The following RFX7 variants were observed in gnomAD, a reference collection of about 807,000 sequenced individuals.
RFX7 encodes the protein DNA-binding protein RFX7.
RFX7 carries 26 observed loss-of-function variants against 111.8 expected under a neutral mutation model. The observed-to-expected ratio is 0.23, with a 90% CI of 0.17 to 0.32. The LOEUF is 0.32. RFX7 is among the 10% of genes least tolerant of loss of function. The pLI is 1.00. For missense variants in RFX7, 1,573 were observed against 1,772.9 expected (o/e 0.89, Z 2.02); for synonymous variants, 624 against 624.4 (o/e 1.00, Z 0.01).
At chr15:56,224,212 G>T (rs572871975) in intron 2 of RFX7, among the ~76,000 whole-genome samples, 1 of 152,142 alleles carries the variant, frequency 6.6e-6, no homozygotes, top group South Asian at 2.1e-4. Context: ...GGAACCGTGT[G>T]TAAGAGAAAG....
chr15:56,234,654 C>G (rs562017456), intron 2 of RFX7, among the ~76,000 whole-genome samples: 11 of 152,262 alleles, frequency 7.2e-5, no homozygotes, highest in African/African-American at 2.4e-4. Context: ...CAAGATGTCA[C>G]TGAAGTGACA....
chr15:56,153,800 A>C (rs562190987), intron 3 of RFX7, among the ~76,000 whole-genome samples: 1 of 152,206 alleles, frequency 6.6e-6, no homozygotes, highest in Non-Finnish European at 1.5e-5. Context: ...CAGGGCAATC[A>C]GGAAAGACAA....
intron 5 of RFX7, among the ~76,000 whole-genome samples, chr15:56,121,603 G>A (rs1347921592): frequency 1.3e-5 from 2 of 152,004 alleles, no homozygotes; most frequent in Non-Finnish European, 2.9e-5. Context: ...TTCTCTCTTT[G>A]AATAAACTTT....
intron 2 of RFX7, among the ~76,000 whole-genome samples, chr15:56,184,334 CG>C (rs2043013698): frequency 6.6e-6 from 1 of 151,464 alleles, no homozygotes; most frequent in Non-Finnish European, 1.5e-5. Flanking sequence ...CCACTGCGCC[CG>C]GACAGTTCTA....
chr15:56,165,073 C>T (rs183859701), intron 3 of RFX7, among the ~76,000 whole-genome samples: 2 of 152,092 alleles, frequency 1.3e-5, no homozygotes, highest in South Asian at 2.1e-4. Context: ...TCATAAGGCA[C>T]GTATAACCTA....
chr15:56,159,576 GAAAT>G (rs1169250126), intron 3 of RFX7, among the ~76,000 whole-genome samples: 3 of 152,176 alleles, frequency 2.0e-5, no homozygotes, highest in Non-Finnish European at 4.4e-5. Context: ...TAGAGAGAAA[GAAAT>G]AATCAATCTA....
chr15:56,128,501 T>C (rs2042173530), intron 5 of RFX7, among the ~76,000 whole-genome samples: 1 of 152,166 alleles, frequency 6.6e-6, no homozygotes, highest in South Asian at 2.1e-4. Flanking sequence ...TCTCAATAGA[T>C]GCAGAAAAAA....
intron 5 of RFX7, among the ~76,000 whole-genome samples, chr15:56,115,406 CAG>C (rs1281248340): frequency 1.3e-5 from 2 of 152,206 alleles, no homozygotes; most frequent in African/African-American, 2.4e-5. Context: ...TCCATACAGA[CAG>C]AAAGATTTAT....
chr15:56,203,363 G>C (rs2043214308), intron 2 of RFX7, among the ~76,000 whole-genome samples: 1 of 152,014 alleles, frequency 6.6e-6, no homozygotes, highest in Non-Finnish European at 1.5e-5. Context: ...GGAATTGCTG[G>C]GTTAAATAAA....
At chr15:56,130,486 A>G (rs2042197809) in intron 5 of RFX7, among the ~76,000 whole-genome samples, 1 of 152,150 alleles carries the variant, frequency 6.6e-6, no homozygotes, top group Admixed American at 6.5e-5. Context: ...ATTCCACACT[A>G]TTGGAAAATA....
chr15:56,171,808 T>C (rs577489543), intron 3 of RFX7, among the ~76,000 whole-genome samples: 2 of 152,164 alleles, frequency 1.3e-5, no homozygotes, highest in Admixed American at 1.3e-4. Context: ...GAAGTACTTA[T>C]GTGACATCCA....
At chr15:56,112,425 A>C (rs1225576631) in intron 5 of RFX7, among the ~76,000 whole-genome samples, 1 of 150,932 alleles carries the variant, frequency 6.6e-6, no homozygotes, top group Non-Finnish European at 1.5e-5. Context: ...TATTTAAGAA[A>C]TCGTACTGGG....
Position 56,144,592 on chromosome 15 carries a change from A to G in RFX7, c.196-109T>C, listed in dbSNP as rs958281878. ...ACGATAATGACTATTTAAATTTAAA[A>G]CAGATGAATCATCTGTCTTTTCTCA... On this transcript the variant is annotated intron_variant, in intron 3 of 9. Transcript: ENST00000559447. 3 of 388,216 alleles carry G rather than the reference A, an allele frequency of 7.7e-6. No individual in the cohort carries two copies. In the Middle Eastern group the frequency reaches 1.2e-3, roughly 161 times the overall value. The allele number at this position is 388,216 out of a possible 1,614,324, so 24.0% of individuals were successfully genotyped here.
At chr15:56,197,074 C>A (rs2043152351) in intron 2 of RFX7, among the ~76,000 whole-genome samples, 1 of 152,050 alleles carries the variant, frequency 6.6e-6, no homozygotes, top group Admixed American at 6.6e-5. Context: ...CAGACTTCTG[C>A]CAATCGGATG....
chr15:56,163,304 A>G (rs1370761544), intron 3 of RFX7, among the ~76,000 whole-genome samples: 1 of 152,146 alleles, frequency 6.6e-6, no homozygotes, highest in Non-Finnish European at 1.5e-5. Flanking sequence ...GAACTACTCA[A>G]ATTTATTGCT....
At chr15:56,167,965 A>T (rs1418320533) in intron 3 of RFX7, among the ~76,000 whole-genome samples, 6 of 152,202 alleles carry the variant, frequency 3.9e-5, no homozygotes, top group African/African-American at 1.4e-4. Context: ...TTCATTTCAG[A>T]TTACTTTCTA....
At chr15:56,144,128 A>G (rs778507520) in intron 4 of RFX7, among the ~76,000 whole-genome samples, 1 of 152,106 alleles carries the variant, frequency 6.6e-6, no homozygotes, top group African/African-American at 2.4e-5. Flanking sequence ...AATCCCTCAC[A>G]CTGCATAAAC....
intron 4 of RFX7, 28 bp downstream of exon 4, chr15:56,144,373 A>AT (rs778225019): frequency 1.6e-6 from 2 of 1,255,120 alleles, no homozygotes; most frequent in African/African-American, 3.1e-5. Flanking sequence ...AAACAGCATA[A>AT]TTATAGCAAA....
chr15:56,164,744 T>C (rs1366410361), intron 3 of RFX7, among the ~76,000 whole-genome samples: 1 of 152,190 alleles, frequency 6.6e-6, no homozygotes, highest in Non-Finnish European at 1.5e-5. Flanking sequence ...ATTTTTGTAA[T>C]GGACAACTCA....
Sources: allele counts gnomAD v4.1 joint callset (sites outside exome capture counted in the v4.1 genomes callset), GRCh38; gene constraint gnomAD v4.1.1; transcripts MANE v1.5; gene names NCBI Gene and HGNC (gene_info 2026-07-23, HGNC 2026-07-21).